The following LAMA3 variants were observed in gnomAD, a reference collection of about 807,000 sequenced individuals.
LAMA3 encodes laminin subunit alpha-3.
Under a neutral mutation model 402.0 loss-of-function variants are expected in LAMA3, and 281 were observed. The observed-to-expected ratio is 0.70, with a 90% CI of 0.63 to 0.77. The LOEUF is 0.77. Among genes scored for constraint, LAMA3 ranks in the 30% least tolerant of loss-of-function variants. LAMA3 has a pLI of 0.00. For missense variants in LAMA3, 3,840 were observed against 4,215.5 expected (o/e 0.91, Z 2.47); for synonymous variants, 1,431 against 1,558.4 (o/e 0.92, Z 1.93).
intron 7 of LAMA3, among the ~76,000 whole-genome samples, chr18:23,760,976 G>A (rs915957442): frequency 2.6e-5 from 4 of 152,080 alleles, no homozygotes; most frequent in African/African-American, 9.7e-5. Flanking sequence ...CTGGTGATTA[G>A]GTTTCACCTA....
At chr18:23,872,902 T>C (rs557386872) in intron 38 of LAMA3, 2 of 848,474 alleles carry the variant, frequency 2.4e-6, no homozygotes, top group South Asian at 1.5e-5. Context: ...GGCTGACTCA[T>C]GTGTGAAGTT....
chr18:23,909,295 GGTGA>G lies in LAMA3; in HGVS notation c.7158+4_7158+7del. On this transcript the variant is annotated splice_donor_variant and splice_donor_region_variant and intron_variant, in intron 55 of 74. Transcript: ENST00000313654. LOFTEE classifies it high-confidence loss of function. ...AGCAGGCCAGAGATGCTGCCAGTAA[GGTGA>G]GTGTGTCCCCACGTGGTCAGTGGCC... 6.2e-7 allele frequency: 1 copy of G among 1,611,262 alleles called. No individual in the cohort carries two copies. Among genetic ancestry groups the G allele is most frequent in the Non-Finnish European group, 8.5e-7 (1 of 1,179,894 alleles).
chr18:23,805,539 A>G (rs1030684656), intron 12 of LAMA3, among the ~76,000 whole-genome samples: 2 of 152,190 alleles, frequency 1.3e-5, no homozygotes, highest in Non-Finnish European at 2.9e-5. Flanking sequence ...GAGGATGTAT[A>G]TTCCAGTTAT....
chr18:23,774,649 T>A (rs2062275267), intron 9 of LAMA3, among the ~76,000 whole-genome samples: 1 of 152,222 alleles, frequency 6.6e-6, no homozygotes, highest in South Asian at 2.1e-4. Flanking sequence ...ATTCAATGCT[T>A]GGTTCTTTTA....
intron 44 of LAMA3, 27 bp downstream of exon 44, chr18:23,895,085 C>T: frequency 6.4e-7 from 1 of 1,567,064 alleles, no homozygotes; most frequent in Non-Finnish European, 8.6e-7. Context: ...CGAGAGTAGA[C>T]ACGTGGGGAG....
At chr18:23,834,111 C>A in intron 24 of LAMA3, 123 bp downstream of exon 24, 1 of 1,118,000 alleles carries the variant, frequency 8.9e-7, no homozygotes, top group Non-Finnish European at 1.4e-6. Flanking sequence ...TGAAAACAAG[C>A]AGGTGACTAG....
At chr18:23,861,127 G>A (rs1598942048) in intron 34 of LAMA3, among the ~76,000 whole-genome samples, 1 of 151,190 alleles carries the variant, frequency 6.6e-6, no homozygotes, top group African/African-American at 2.4e-5. Context: ...TTATCCCCTG[G>A]GAACCAGAAA....
intron 27 of LAMA3, among the ~76,000 whole-genome samples, chr18:23,842,099 C>T (rs1332404146): frequency 1.3e-5 from 2 of 152,116 alleles, no homozygotes; most frequent in Non-Finnish European, 2.9e-5. Context: ...GGTTTCCAAC[C>T]TGACTTACCA....
At chr18:23,863,428 G>A (rs1327930920) in intron 35 of LAMA3, among the ~76,000 whole-genome samples, 2 of 152,240 alleles carry the variant, frequency 1.3e-5, no homozygotes, top group Non-Finnish European at 2.9e-5. Flanking sequence ...CTGGGCGACA[G>A]AGCGAGACTC....
intron 66 of LAMA3, among the ~76,000 whole-genome samples, chr18:23,933,020 T>C (rs2082211484): frequency 6.6e-6 from 1 of 152,206 alleles, no homozygotes; most frequent in Admixed American, 6.5e-5. Flanking sequence ...GCCCAGGGGT[T>C]GTTAGCAACA....
intron 7 of LAMA3, among the ~76,000 whole-genome samples, chr18:23,762,764 G>A (rs1459736499): frequency 6.6e-6 from 1 of 151,384 alleles, no homozygotes; most frequent in East Asian, 2.0e-4. Context: ...TGTCACCCAG[G>A]CTGGAGTGCA....
intron 6 of LAMA3, among the ~76,000 whole-genome samples, chr18:23,757,806 C>T (rs1208846116): frequency 2.6e-5 from 4 of 152,254 alleles, no homozygotes; most frequent in African/African-American, 7.2e-5. Context: ...CAGATGTACA[C>T]CCTTTTGAAA....
intron 68 of LAMA3, among the ~76,000 whole-genome samples, chr18:23,942,204 C>T (rs1162339365): frequency 3.3e-5 from 5 of 152,212 alleles, no homozygotes; most frequent in South Asian, 2.1e-4. Flanking sequence ...GTGCCTACTG[C>T]GTAATAGGCA....
At position 23,824,524 on chromosome 18, in the gene LAMA3, G is replaced by A. The variant is rs749874268; in HGVS notation, c.2530G>A (p.Gly844Arg). Residue 844 changes from glycine to arginine, a missense_variant, in exon 21 of 75, where the codon GGA becomes AGA. This residue lies in a region of LAMA3 where 2,109 missense variants were observed against 2,376.0 expected (regional missense o/e 0.89). Transcript: ENST00000313654. ...GFADPFSITPGIWVACIKAEG... is the reference protein window; with the variant it reads ...GFADPFSITPRIWVACIKAEG... ...TGCAGACCCATTTTCAATCACACCA[G>A]GAATATGGGTTGCTTGTATTAAGGC... The A allele has an allele frequency of 6.2e-7, 1 of 1,613,996 alleles. No homozygotes were observed. The highest frequency in any genetic ancestry group is 1.3e-5 in the African/African-American group (1 of 74,920).
chr18:23,721,454 G>A, intron 2 of LAMA3, among the ~76,000 whole-genome samples: 1 of 152,194 alleles, frequency 6.6e-6, no homozygotes, highest in East Asian at 1.9e-4. Context: ...GAGCATGGAA[G>A]ATTCTGTGTG....
rs982053008 is a variant in LAMA3, at chr18:23,894,307, A to G, written c.5420A>G (p.Asn1807Ser). The G allele has an allele frequency of 2.5e-6, 4 of 1,613,032 alleles. No homozygotes were observed. The highest frequency in any genetic ancestry group is 2.5e-6 in the Non-Finnish European group (3 of 1,178,996). The change falls in exon 43 of 75, where the codon AAC (asparagine) becomes AGC (serine). Residue 1807 changes from asparagine to serine, a missense_variant. By Grantham distance (46) the Asn-to-Ser change is conservative (BLOSUM62 1). Coordinates refer to ENST00000313654, the MANE Select transcript of LAMA3 (RefSeq NM_198129.4). Reference sequence around the variant, plus strand: ...TATTTTCTGATTTTAGACTGCATAAACCAAGAACCCAAAGATAGCAGCCCT... The same window carrying G: ...TATTTTCTGATTTTAGACTGCATAAGCCAAGAACCCAAAGATAGCAGCCCT... ...SCHPLTGDCINQEPKDSSPAE... is the reference protein window; with the variant it reads ...SCHPLTGDCISQEPKDSSPAE...
intron 52 of LAMA3, among the ~76,000 whole-genome samples, chr18:23,906,340 T>A (rs896857360): frequency 1.3e-5 from 2 of 152,200 alleles, no homozygotes; most frequent in African/African-American, 4.8e-5. Context: ...CCTAAAATCT[T>A]TGCAACTAAA....
chr18:23,830,320 C>T (rs1952610219), intron 23 of LAMA3, among the ~76,000 whole-genome samples: 1 of 152,118 alleles, frequency 6.6e-6, no homozygotes, highest in Non-Finnish European at 1.5e-5. Context: ...CTCTCTCTCC[C>T]TCAGCTCAGC....
At chr18:23,939,462 C>CATGGTGTCATGGCAGT in intron 68 of LAMA3, 76 bp downstream of exon 68, 1 of 1,412,226 alleles carries the variant, frequency 7.1e-7, no homozygotes, top group Non-Finnish European at 1.0e-6. Context: ...AGTCTGACTG[C>CATGGTGTCATGGCAGT]CATGACACCA....
Sources: allele counts gnomAD v4.1 joint callset (sites outside exome capture counted in the v4.1 genomes callset), GRCh38; gene constraint gnomAD v4.1.1; regional missense constraint gnomAD v4.1.1; transcripts MANE v1.5; gene names NCBI Gene and HGNC (gene_info 2026-07-23, HGNC 2026-07-21).